MAPKAP1: variants seen among roughly 807,000 people sequenced by gnomAD.
MAPKAP1 encodes target of rapamycin complex 2 subunit MAPKAP1.
In MAPKAP1, 20 loss-of-function variants were observed where a neutral mutation model predicts 65.7. The ratio of observed to expected loss-of-function variants is 0.30; its 90% CI spans 0.21 to 0.44. The LOEUF is 0.44. MAPKAP1 is among the 20% of genes least tolerant of loss of function. MAPKAP1 has a pLI of 1.00. For missense variants in MAPKAP1, 423 were observed against 648.0 expected (o/e 0.65, Z 3.77); for synonymous variants, 222 against 244.3 (o/e 0.91, Z 0.85).
chr9:125,521,303 T>TTC (rs1554816003), intron 7 of MAPKAP1, among the ~76,000 whole-genome samples: 9 of 151,878 alleles, frequency 5.9e-5, no homozygotes, highest in Middle Eastern at 3.2e-3. Flanking sequence ...AATTTTTTTT[T>TTC]CTCCTTGAAA....
At position 125,586,512 on chromosome 9, in the gene MAPKAP1, T is replaced by TG. The variant is rs199975186; in HGVS notation, c.499-786_499-785insC. On this transcript the variant is annotated intron_variant, in intron 4 of 11. Coordinates refer to ENST00000265960, the MANE Select transcript of MAPKAP1 (RefSeq NM_001006617.3). ...TAAAAGAGGACTGCTTTGTTGTTGTTTTTTTTTTTTATAACCCCTGCACCC... is the reference window on the plus strand; with the variant it reads ...TAAAAGAGGACTGCTTTGTTGTTGTTGTTTTTTTTTTATAACCCCTGCACCC... 4.5e-3 allele frequency among the ~76,000 whole-genome samples: 674 copies of TG among 150,124 alleles called. 7 individuals are homozygous for TG. The highest frequency in any genetic ancestry group is 0.015 in the African/African-American group (627 of 40,926).
intron 1 of MAPKAP1, among the ~76,000 whole-genome samples, chr9:125,693,134 C>G (rs996753015): frequency 1.2e-4 from 18 of 151,984 alleles, no homozygotes; most frequent in Admixed American, 6.6e-4. Flanking sequence ...GAAAACAGGC[C>G]GGGCACAGTG....
rs1173160674 is a variant in MAPKAP1, at chr9:125,595,387, G to A, written c.499-9660C>T. The A allele has an allele frequency of 3.6e-6, 1 of 279,544 alleles. No individual in the cohort carries two copies. Among genetic ancestry groups the A allele is most frequent in the Non-Finnish European group, 5.6e-6 (1 of 178,740 alleles). The allele number at this position is 279,544 out of a possible 1,614,324, so 17.3% of individuals were successfully genotyped here. A position where few individuals can be genotyped will look rare whatever the true frequency, so the allele number is the denominator to read the frequency against. ...ATGTGAACAGATATAGAATTGAAAT[G>A]TATGTATTTGAACATGCTGATGAAT... On this transcript the variant is annotated intron_variant, in intron 4 of 11. Transcript: ENST00000265960. The surrounding 1 kb of genome is among the most constrained non-coding windows in gnomAD (Gnocchi z 4.0).
chr9:125,466,672 C>A (rs1051891202), intron 10 of MAPKAP1, among the ~76,000 whole-genome samples: 1 of 152,186 alleles, frequency 6.6e-6, no homozygotes, highest in East Asian at 1.9e-4. Flanking sequence ...CCCCCAGCAG[C>A]AGGCACTTTT....
At chr9:125,570,301 A>T (rs767239089) in intron 5 of MAPKAP1, among the ~76,000 whole-genome samples, 1 of 152,222 alleles carries the variant, frequency 6.6e-6, no homozygotes, top group Non-Finnish European at 1.5e-5. Flanking sequence ...AATTTGTGAA[A>T]GGGAATTTAT....
chr9:125,676,993 T>C (rs1834664954), intron 1 of MAPKAP1, among the ~76,000 whole-genome samples: 1 of 152,180 alleles, frequency 6.6e-6, no homozygotes, highest in Non-Finnish European at 1.5e-5. Context: ...CCATAAATAT[T>C]GTTTTCTGTA....
chr9:125,596,927 G>T (rs570964752), intron 4 of MAPKAP1, among the ~76,000 whole-genome samples: 1 of 143,606 alleles, frequency 7.0e-6, no homozygotes, highest in East Asian at 2.1e-4. Flanking sequence ...ATTGCTAAAT[G>T]TAACAGTCTG....
At chr9:125,559,241 T>C (rs1289490710) in intron 6 of MAPKAP1, 1 of 156,086 alleles carries the variant, frequency 6.4e-6, no homozygotes, top group African/African-American at 2.4e-5. Context: ...AAATTTGGTC[T>C]GAGAGAAAAT....
chr9:125,537,417 A>G (rs1029793143), intron 7 of MAPKAP1, among the ~76,000 whole-genome samples: 2 of 152,200 alleles, frequency 1.3e-5, no homozygotes, highest in African/African-American at 4.8e-5. Flanking sequence ...ATTAGCTCCC[A>G]TGTCGTTGGA....
At chr9:125,640,398 C>T (rs1362644819) in intron 4 of MAPKAP1, among the ~76,000 whole-genome samples, 3 of 151,990 alleles carry the variant, frequency 2.0e-5, no homozygotes, top group African/African-American at 2.4e-5. Context: ...CCACCATGCC[C>T]GGCCACATTC....
chr9:125,644,212 G>A lies in MAPKAP1; in HGVS notation c.498+13439C>T, dbSNP rs74916994. 6.1e-3 allele frequency among the ~76,000 whole-genome samples: 924 copies of A among 152,242 alleles called. 16 individuals carry two copies. Among genetic ancestry groups the A allele is most frequent in the African/African-American group, 0.021 (888 of 41,540 alleles). ...AATCACCTCATAACCTCCTAAGGCA[G>A]GTGTCTAATGTATGAACTACCAGGA... is the stretch of plus-strand genomic sequence containing the variant. On this transcript the variant is annotated intron_variant, in intron 4 of 11. Coordinates refer to ENST00000265960, the MANE Select transcript of MAPKAP1 (RefSeq NM_001006617.3).
chr9:125,459,541 A>G (rs981216039), intron 10 of MAPKAP1, among the ~76,000 whole-genome samples: 1 of 152,110 alleles, frequency 6.6e-6, no homozygotes, highest in African/African-American at 2.4e-5. Context: ...CACTGAGTGA[A>G]CGAGACTCCG....
chr9:125,583,917 G>A (rs1831699812), intron 5 of MAPKAP1, among the ~76,000 whole-genome samples: 1 of 152,258 alleles, frequency 6.6e-6, no homozygotes, highest in Non-Finnish European at 1.5e-5. Context: ...CAAAAAATTA[G>A]CTGGGCGTGG....
chr9:125,601,801 T>C (rs1005461989), intron 4 of MAPKAP1, among the ~76,000 whole-genome samples: 2 of 152,360 alleles, frequency 1.3e-5, no homozygotes, highest in East Asian at 3.9e-4. Context: ...ACTGGGATAG[T>C]TGTTACTCTA....
intron 4 of MAPKAP1, among the ~76,000 whole-genome samples, chr9:125,613,988 C>T (rs1589342288): frequency 6.6e-6 from 1 of 151,952 alleles, no homozygotes; most frequent in East Asian, 1.9e-4. Flanking sequence ...TTAATAGAGA[C>T]GGGGTTTCAC....
At chr9:125,441,450 AAAC>A (rs1444909681) in intron 11 of MAPKAP1, among the ~76,000 whole-genome samples, 2 of 152,206 alleles carry the variant, frequency 1.3e-5, no homozygotes, top group African/African-American at 4.8e-5. Flanking sequence ...CAGGAAGATT[AAAC>A]AAGATAATGG....
In MAPKAP1 at chr9:125,652,136, T is replaced by C. The variant is rs371915332; in HGVS notation, c.498+5515A>G. The C allele has an allele frequency of 1.2e-4, 163 of 1,310,338 alleles. No individual in the cohort carries two copies. In the African/African-American group the frequency reaches 2.3e-3, roughly 18 times the overall value. 81.2% of individuals were successfully genotyped at this position (1,310,338 alleles called of 1,614,324 possible). On this transcript the variant is annotated intron_variant, in intron 4 of 11. Coordinates refer to ENST00000265960, the MANE Select transcript of MAPKAP1 (RefSeq NM_001006617.3). ...GCTGACCTTTTCTGAGTTTGCAACATTTCTCGGTGGCTTCATGCTTTTCTG... is the reference window on the plus strand; with the variant it reads ...GCTGACCTTTTCTGAGTTTGCAACACTTCTCGGTGGCTTCATGCTTTTCTG...
rs10986794 is a variant in MAPKAP1, at chr9:125,558,884, C to T, written c.848+749G>A. On this transcript the variant is annotated intron_variant, in intron 6 of 11. Transcript: ENST00000265960. ...TAGGCAAACAATCACAGCAGAATCA[C>T]AGTGCCAGTGACTCTGTCATGAACA... Among the ~76,000 whole-genome samples, 756 of 152,340 alleles carry T rather than the reference C, an allele frequency of 5.0e-3. 4 individuals carry two copies. Among genetic ancestry groups the T allele is most frequent in the Non-Finnish European group, 6.9e-3 (468 of 68,022 alleles).
chr9:125,654,214 C>A (rs920655435), intron 4 of MAPKAP1, among the ~76,000 whole-genome samples: 14 of 152,194 alleles, frequency 9.2e-5, no homozygotes, highest in African/African-American at 3.4e-4. Context: ...CAACAGTTCC[C>A]ACATCCAGTG....
Sources: gnomAD v4.1 joint callset for allele counts (sites outside exome capture counted in the v4.1 genomes callset) on GRCh38, gnomAD v4.1.1 for gene constraint, Gnocchi (gnomAD v3.1) non-coding constraint, MANE v1.5 for transcripts, NCBI Gene and HGNC (gene_info 2026-07-23, HGNC 2026-07-21) for gene names.